PPARGC1A: variants seen among roughly 807,000 people sequenced by gnomAD.
PPARGC1A encodes the protein peroxisome proliferator-activated receptor gamma coactivator 1-alpha.
A neutral mutation model predicts 88.7 loss-of-function variants in PPARGC1A; 25 were observed. The observed-to-expected ratio is 0.28, with a 90% confidence interval of 0.21 to 0.39. PPARGC1A has a LOEUF of 0.39. Among genes scored for constraint, PPARGC1A ranks in the 10% least tolerant of loss-of-function variants. The pLI, the probability that PPARGC1A is intolerant of heterozygous loss-of-function variation, is 1.00. For synonymous variants in PPARGC1A, 363 were observed against 355.6 expected, an observed-to-expected ratio of 1.02 and a Z score of -0.24; for missense variants, 880 against 968.7, an observed-to-expected ratio of 0.91 and a Z score of 1.22.
At chr4:24,049,192 C>A in the PPARGC1A span, among the ~76,000 whole-genome samples, 65 of 145,640 alleles carry the variant, frequency 4.5e-4, no homozygotes, top group East Asian at 2.6e-3. Context: ...CTGTCTCTCT[C>A]TATATATACA....
At chr4:24,438,427 C>G in the PPARGC1A span, among the ~76,000 whole-genome samples, 4 of 152,158 alleles carry the variant, frequency 2.6e-5, no homozygotes, top group African/African-American at 9.7e-5. Context: ...AAACAATTAT[C>G]CAAAATTTGA....
chr4:23,796,070 T>C (rs561563828), intron 12 of PPARGC1A, 145 bp from the exon 13 acceptor site: 2 of 665,716 alleles, frequency 3.0e-6, no homozygotes, highest in South Asian at 3.4e-5. Flanking sequence ...ATTGGATATA[T>C]ATGGATATAT....
the PPARGC1A span, among the ~76,000 whole-genome samples, chr4:24,024,373 G>A: frequency 2.6e-5 from 4 of 152,264 alleles, no homozygotes; most frequent in Non-Finnish European, 4.4e-5. Context: ...CTGATTCCAC[G>A]GACCACATTC....
chr4:23,950,038 G>T, the PPARGC1A span, among the ~76,000 whole-genome samples: 1 of 152,106 alleles, frequency 6.6e-6, no homozygotes, highest in African/African-American at 2.4e-5. Context: ...GCCTGGCAAG[G>T]TATAAAGCAC....
the PPARGC1A span, among the ~76,000 whole-genome samples, chr4:24,184,091 A>T: frequency 0.6 from 90,559 of 152,066 alleles, 28,609 homozygotes; most frequent in Non-Finnish European, 0.7. Context: ...TTGTAAAAGA[A>T]CTGCTAAGCT....
chr4:24,249,804 A>T, the PPARGC1A span, among the ~76,000 whole-genome samples: 1 of 152,158 alleles, frequency 6.6e-6, no homozygotes, highest in Non-Finnish European at 1.5e-5. Flanking sequence ...CTAAGCCTCA[A>T]TTTCCCCATT....
the PPARGC1A span, among the ~76,000 whole-genome samples, chr4:24,231,725 T>C: frequency 6.6e-6 from 1 of 152,092 alleles, no homozygotes; most frequent in East Asian, 1.9e-4. Flanking sequence ...AGTTGGATAT[T>C]TGGGATATGT....
chr4:24,131,271 C>T, the PPARGC1A span, among the ~76,000 whole-genome samples: 3 of 152,134 alleles, frequency 2.0e-5, no homozygotes, highest in Non-Finnish European at 2.9e-5. Context: ...ATATCTAACA[C>T]TCAAAACACA....
the PPARGC1A span, among the ~76,000 whole-genome samples, chr4:24,165,277 GAAATT>G: frequency 6.6e-6 from 1 of 152,016 alleles, no homozygotes; most frequent in Non-Finnish European, 1.5e-5. Flanking sequence ...TGATCAAACT[GAAATT>G]AAAATTGTGA....
chr4:24,350,297 G>A, the PPARGC1A span, among the ~76,000 whole-genome samples: 3 of 152,160 alleles, frequency 2.0e-5, no homozygotes, highest in African/African-American at 7.2e-5. Context: ...GAGCCACGGC[G>A]CCCCCTGGGA....
At chr4:24,265,036 C>A in the PPARGC1A span, among the ~76,000 whole-genome samples, 1 of 152,148 alleles carries the variant, frequency 6.6e-6, no homozygotes, top group African/African-American at 2.4e-5. Flanking sequence ...ATATGTCATA[C>A]AATGTATGTT....
At chr4:23,869,828 C>T (rs996716566) in intron 2 of PPARGC1A, among the ~76,000 whole-genome samples, 7 of 151,954 alleles carry the variant, frequency 4.6e-5, no homozygotes, top group South Asian at 2.1e-4. Context: ...AAAGTATAGG[C>T]GATTTCATTC....
At position 23,801,709 on chromosome 4, in the gene PPARGC1A, C is replaced by T. The variant is rs376066953; in HGVS notation, c.2293+21G>A. ...GCTCTACATTATGGATTCCTCATTC[C>T]ACGTACAATAAAATCCATACCTAGG... On this transcript the variant is annotated intron_variant, in intron 12 of 12. Transcript: ENST00000264867. 2.4e-5 allele frequency: 38 copies of T among 1,613,242 alleles called. No individual in the cohort carries two copies. The African/African-American group carries it at 2.9e-4, about 12-fold the overall frequency.
chr4:23,992,800 A>G, the PPARGC1A span, among the ~76,000 whole-genome samples: 2 of 152,078 alleles, frequency 1.3e-5, no homozygotes, highest in African/African-American at 2.4e-5. Flanking sequence ...CTTGTCCTCT[A>G]TGTATACACA....
the PPARGC1A span, among the ~76,000 whole-genome samples, chr4:24,463,473 T>C: frequency 6.6e-6 from 1 of 152,240 alleles, no homozygotes; most frequent in South Asian, 2.1e-4. Context: ...TCATTTATTC[T>C]CCAAGTCAAA....
At chr4:24,472,130 G>C in the PPARGC1A span, among the ~76,000 whole-genome samples, 1 of 152,218 alleles carries the variant, frequency 6.6e-6, no homozygotes, top group Admixed American at 6.5e-5. The surrounding 1 kb of genome is among the most constrained non-coding windows in gnomAD (Gnocchi z 4.5). Context: ...GAGGTGGTGG[G>C]GGAAGGTGTC....
the PPARGC1A span, among the ~76,000 whole-genome samples, chr4:24,354,068 C>CT: frequency 6.6e-6 from 1 of 152,146 alleles, no homozygotes; most frequent in Non-Finnish European, 1.5e-5. Flanking sequence ...CCTGGAGGCT[C>CT]TAATGGAGAG....
the PPARGC1A span, among the ~76,000 whole-genome samples, chr4:24,178,216 T>G: frequency 6.6e-6 from 1 of 152,232 alleles, no homozygotes; most frequent in South Asian, 2.1e-4. Flanking sequence ...CACTGAGATT[T>G]AAGTAAAATT....
intron 5 of PPARGC1A, 24 bp downstream of exon 5, chr4:23,828,376 A>G: frequency 6.3e-7 from 1 of 1,595,040 alleles, no homozygotes; most frequent in East Asian, 2.2e-5. Flanking sequence ...CCTCACCAAC[A>G]GCTCGTTTTG....
Sources: gnomAD v4.1 joint callset for allele counts (sites outside exome capture counted in the v4.1 genomes callset) on GRCh38, gnomAD v4.1.1 for gene constraint, Gnocchi (gnomAD v3.1) non-coding constraint, MANE v1.5 for transcripts, NCBI Gene and HGNC (gene_info 2026-07-23, HGNC 2026-07-21) for gene names.